C16orf78: variants seen among roughly 807,000 people sequenced by gnomAD.
C16orf78 encodes chromosome 16 open reading frame 78.
In C16orf78, 19 loss-of-function variants were observed where a neutral mutation model predicts 27.3. That is an observed-to-expected ratio of 0.70 (90% CI 0.49 to 1.02). The LOEUF (loss-of-function observed/expected upper bound fraction) is 1.02. Among genes scored for constraint, C16orf78 ranks in the 50% least tolerant of loss-of-function variants. C16orf78 has a pLI of 0.00. For synonymous variants in C16orf78, 130 were observed against 116.1 expected (o/e 1.12, Z -0.77); for missense variants, 339 against 337.0 (o/e 1.01, Z -0.05).
intron 1 of C16orf78, among the ~76,000 whole-genome samples, chr16:49,374,757 A>C (rs777031920): frequency 6.6e-6 from 1 of 152,198 alleles, no homozygotes; most frequent in African/African-American, 2.4e-5. Flanking sequence ...TCTACCCTAC[A>C]TCGAGCTAGT....
intron 3 of C16orf78, among the ~76,000 whole-genome samples, chr16:49,385,635 A>T (rs1273462347): frequency 6.6e-6 from 1 of 151,440 alleles, no homozygotes; most frequent in African/African-American, 2.4e-5. Context: ...AGCCTGGGTG[A>T]CAGAGTGAGA....
chr16:49,379,645 G>A (rs541233562), intron 3 of C16orf78, among the ~76,000 whole-genome samples: 17 of 152,074 alleles, frequency 1.1e-4, no homozygotes, highest in African/African-American at 3.1e-4. Flanking sequence ...CATTACTGGC[G>A]AAATCTGAAA....
At chr16:49,387,191 T>C (rs1965361316) in intron 3 of C16orf78, among the ~76,000 whole-genome samples, 1 of 152,114 alleles carries the variant, frequency 6.6e-6, no homozygotes, top group Admixed American at 6.5e-5. Context: ...ATTTCTCTAA[T>C]GATCAGGGCT....
At chr16:49,398,922 A>T (rs1965507021) in intron 4 of C16orf78, among the ~76,000 whole-genome samples, 1 of 152,204 alleles carries the variant, frequency 6.6e-6, no homozygotes, top group African/African-American at 2.4e-5. Flanking sequence ...CCGACTGCCA[A>T]AAGAGTTACA....
At chr16:49,379,640 C>A (rs1266311389) in intron 3 of C16orf78, among the ~76,000 whole-genome samples, 1 of 152,054 alleles carries the variant, frequency 6.6e-6, no homozygotes, top group African/African-American at 2.4e-5. Context: ...AGGGGCATTA[C>A]TGGCGAAATC....
rs1483583596 is a variant in C16orf78 at position 49,380,898 on chromosome 16, C to T, written c.394+2305C>T. 3.9e-5 allele frequency among the ~76,000 whole-genome samples: 6 copies of T among 152,004 alleles called. No individual in the cohort carries two copies. The East Asian group carries it at 7.7e-4, about 20-fold the overall frequency. ...CATTTATTAAATAGGGAATCCTTTC[C>T]CCATTGCTTGTTTTTCTCAGATTTG... On this transcript the variant is annotated intron_variant, in intron 3 of 4. Coordinates refer to ENST00000299191, the MANE Select transcript of C16orf78 (RefSeq NM_144602.4).
intron 1 of C16orf78, 111 bp downstream of exon 1, chr16:49,374,200 T>G (rs1247008291): frequency 2.2e-6 from 3 of 1,359,124 alleles, no homozygotes; most frequent in African/African-American, 1.5e-5. Flanking sequence ...GGTTTTGAAG[T>G]GCTGGGATAA....
At chr16:49,378,636 A>G (rs1334680741) in intron 3 of C16orf78, 43 bp downstream of exon 3, 2 of 1,611,222 alleles carry the variant, frequency 1.2e-6, no homozygotes, top group Non-Finnish European at 1.7e-6. Context: ...ATCCTGCTCC[A>G]TAATCTCCTC....
chr16:49,391,908 A>G (rs533565184), intron 3 of C16orf78, among the ~76,000 whole-genome samples: 1 of 152,286 alleles, frequency 6.6e-6, no homozygotes, highest in South Asian at 2.1e-4. Context: ...CTCCACGCAC[A>G]AACAGGGACT....
intron 2 of C16orf78, among the ~76,000 whole-genome samples, chr16:49,378,188 G>A (rs1291297950): frequency 6.6e-6 from 1 of 152,176 alleles, no homozygotes; most frequent in African/African-American, 2.4e-5. Context: ...AGCTAACAGG[G>A]CAGAACCACC....
At chr16:49,381,927 G>A (rs1193923443) in intron 3 of C16orf78, among the ~76,000 whole-genome samples, 1 of 151,192 alleles carries the variant, frequency 6.6e-6, no homozygotes, top group Non-Finnish European at 1.5e-5. Context: ...TATACCCAAA[G>A]GACTATAAAT....
chr16:49,390,728 T>C (rs1308274776), intron 3 of C16orf78, among the ~76,000 whole-genome samples: 3 of 152,230 alleles, frequency 2.0e-5, no homozygotes, highest in African/African-American at 4.8e-5. Flanking sequence ...CTGAGAGGAA[T>C]CTTTGCATAA....
intron 3 of C16orf78, among the ~76,000 whole-genome samples, chr16:49,392,393 G>C (rs966470465): frequency 6.6e-6 from 1 of 152,038 alleles, no homozygotes; most frequent in Non-Finnish European, 1.5e-5. Context: ...CAACATATTA[G>C]GAAGTAATTT....
chr16:49,375,560 G>C (rs533292621), intron 1 of C16orf78, among the ~76,000 whole-genome samples: 1 of 152,118 alleles, frequency 6.6e-6, no homozygotes, highest in Non-Finnish European at 1.5e-5. Context: ...AAGGGGAATC[G>C]TGTTAAACCA....
intron 2 of C16orf78, 110 bp downstream of exon 2, chr16:49,377,960 C>T (rs77895929): frequency 4.0e-5 from 56 of 1,386,084 alleles, no homozygotes; most frequent in South Asian, 3.8e-4. Flanking sequence ...TTCAAGGCTC[C>T]GAAATTCACT....
At chr16:49,376,200 G>A (rs1965215166) in intron 1 of C16orf78, among the ~76,000 whole-genome samples, 1 of 152,116 alleles carries the variant, frequency 6.6e-6, no homozygotes, top group Non-Finnish European at 1.5e-5. Context: ...TCTCTCCTGG[G>A]GTCTGACCTG....
chr16:49,388,758 C>T (rs985296340), intron 3 of C16orf78, among the ~76,000 whole-genome samples: 9 of 152,156 alleles, frequency 5.9e-5, no homozygotes, highest in African/African-American at 2.2e-4. Flanking sequence ...AAGCAATGTG[C>T]CTAACTTGGC....
chr16:49,379,806 G>A (rs939828195), intron 3 of C16orf78, among the ~76,000 whole-genome samples: 2 of 152,196 alleles, frequency 1.3e-5, no homozygotes, highest in Non-Finnish European at 2.9e-5. Context: ...CATATGTGAT[G>A]GTTAATATTG....
chr16:49,399,412 A>G lies in C16orf78; in HGVS notation c.*134A>G. ...TTTAGAAAGTAAGCAATCAGAAAAC[A>G]AGCCTCGGCTGTGTGATCATTGTGC... On this transcript the variant is annotated 3_prime_UTR_variant, in exon 5 of 5. Transcript: ENST00000299191. The G allele has an allele frequency of 9.3e-7, 1 of 1,080,040 alleles. No homozygotes were observed. Among genetic ancestry groups the G allele is most frequent in the African/African-American group, 1.6e-5 (1 of 63,456 alleles). The allele number at this position is 1,080,040 out of a possible 1,614,324, so 66.9% of individuals were successfully genotyped here.
Sources: gnomAD v4.1 joint callset for allele counts (sites outside exome capture counted in the v4.1 genomes callset) on GRCh38, gnomAD v4.1.1 for gene constraint, MANE v1.5 for transcripts, NCBI Gene and HGNC (gene_info 2026-07-23, HGNC 2026-07-21) for gene names.